The following ESR1 variants were observed in gnomAD, a reference collection of about 807,000 sequenced individuals.
ESR1 encodes the protein estrogen receptor.
In ESR1, 12 loss-of-function variants were observed where a neutral mutation model predicts 52.7. That is an observed-to-expected ratio of 0.23 (90% CI 0.15 to 0.37). The LOEUF (loss-of-function observed/expected upper bound fraction) is 0.37, where lower values mean the gene tolerates loss of function less well. ESR1 is among the 10% of genes least tolerant of loss of function. The pLI is 1.00. For missense variants in ESR1, 584 were observed against 779.7 expected (o/e 0.75, Z 2.99); for synonymous variants, 305 against 316.8 (o/e 0.96, Z 0.39).
chr6:151,855,006 C>G (rs1169293163), intron 2 of ESR1, among the ~76,000 whole-genome samples: 1 of 152,156 alleles, frequency 6.6e-6, no homozygotes, highest in Non-Finnish European at 1.5e-5. Context: ...CTCTGCCTCC[C>G]AGGTTCAAGC....
At chr6:151,978,138 A>C (rs2039637749) in intron 4 of ESR1, among the ~76,000 whole-genome samples, 1 of 152,120 alleles carries the variant, frequency 6.6e-6, no homozygotes, top group Admixed American at 6.5e-5. Flanking sequence ...CTTGAAATGC[A>C]CAAAGTCAAC....
chr6:151,740,285 ATTTT>A (rs386408967), intron 2 of ESR1, among the ~76,000 whole-genome samples: 1 of 108,008 alleles, frequency 9.3e-6, no homozygotes, highest in African/African-American at 3.6e-5. Flanking sequence ...TGCCTGGCTA[ATTTT>A]TTTTTTTTTT....
intron 3 of ESR1, among the ~76,000 whole-genome samples, chr6:151,899,551 CGGGGCGGCTGGCCGGGCG>C (rs1243129261): frequency 1.4e-3 from 210 of 147,912 alleles, no homozygotes; most frequent in Non-Finnish European, 2.6e-3. Flanking sequence ...CCCTCCCGGA[CGGGGCGGCTGGCCGGGCG>C]GGGAGCTGAC....
rs903345363 is a variant in ESR1, at chr6:151,700,807, C to A, written c.-201-1068C>A. Among the ~76,000 whole-genome samples the A allele has an allele frequency of 2.0e-5, 3 of 151,248 alleles. No individual in the cohort carries two copies. The East Asian group carries it at 5.8e-4, about 29-fold the overall frequency. On this transcript the variant is annotated intron_variant, in intron 1 of 2. Coordinates refer to the ESR1 transcript ENST00000404742. ...GTTAAGAATTCAACAAGTTTTTTTC[C>A]CCCACTCTATCATGTCTTGCACATT...
intron 1 of ESR1, among the ~76,000 whole-genome samples, chr6:151,831,261 A>G (rs1331549825): frequency 6.6e-6 from 1 of 150,742 alleles, no homozygotes; most frequent in East Asian, 1.9e-4. Context: ...TCCCACCTCA[A>G]CCTCCTGAGT....
intron 3 of ESR1, among the ~76,000 whole-genome samples, chr6:151,933,789 A>G (rs1484913547): frequency 1.1e-4 from 16 of 152,212 alleles, no homozygotes; most frequent in Admixed American, 1.0e-3. Flanking sequence ...TTCCACATCC[A>G]ATCCATCAGC....
intron 1 of ESR1, among the ~76,000 whole-genome samples, chr6:151,658,816 C>G (rs1340019320): frequency 6.6e-6 from 1 of 152,128 alleles, no homozygotes; most frequent in Non-Finnish European, 1.5e-5. Flanking sequence ...GATAAGGAAG[C>G]TGAGGCTTGG....
chr6:151,950,026 G>A (rs1340092613), intron 4 of ESR1, among the ~76,000 whole-genome samples: 1 of 152,198 alleles, frequency 6.6e-6, no homozygotes, highest in Admixed American at 6.5e-5. Context: ...CCATGTTCCT[G>A]TGATAGTGAG....
At chr6:151,781,035 A>G (rs1786495149) in intron 2 of ESR1, among the ~76,000 whole-genome samples, 1 of 152,228 alleles carries the variant, frequency 6.6e-6, no homozygotes, top group Non-Finnish European at 1.5e-5. Context: ...CTTTCAAACT[A>G]TACATTTCTT....
At chr6:151,688,762 C>G (rs1328565778), upstream of ESR1, among the ~76,000 whole-genome samples, 1 of 151,992 alleles carries the variant, frequency 6.6e-6, no homozygotes, top group South Asian at 2.1e-4. Flanking sequence ...TATAAGTAAT[C>G]TATGGATTAT....
chr6:151,808,172 C>T lies in ESR1; in HGVS notation c.260C>T (p.Ala87Val), dbSNP rs1267605861. The change falls in exon 1 of 8, where the codon GCG (alanine) becomes GTG (valine). Residue 87 changes from alanine to valine, a missense_variant. Physicochemically the swap from Ala to Val is moderately conservative, Grantham distance 64. Around this residue, in one of 6 missense-constraint regions of ESR1, gnomAD observed 251 missense variants for 246.1 expected, o/e 1.02. Coordinates refer to ENST00000206249, the MANE Select transcript of ESR1 (RefSeq NM_000125.4). ...GLPYGPGSEA[A>V]AFGSNGLGGF... The stretch of plus-strand genomic sequence containing the variant: ...CCCTACGGCCCCGGGTCTGAGGCTG[C>T]GGCGTTCGGCTCCAACGGCCTGGGG... The T allele has an allele frequency of 1.3e-6, 2 of 1,585,272 alleles. No individual in the cohort carries two copies. Among genetic ancestry groups the T allele is most frequent in the East Asian group, 2.3e-5 (1 of 43,338 alleles).
At chr6:151,973,914 T>C (rs756790350) in intron 4 of ESR1, among the ~76,000 whole-genome samples, 5 of 152,180 alleles carry the variant, frequency 3.3e-5, no homozygotes, top group Non-Finnish European at 7.3e-5. Context: ...TGTTTTTCAG[T>C]TTTCGTCATT....
chr6:152,004,637 T>C (rs1396871957), intron 4 of ESR1, among the ~76,000 whole-genome samples: 1 of 151,934 alleles, frequency 6.6e-6, no homozygotes, highest in Non-Finnish European at 1.5e-5. Context: ...AAACATCACC[T>C]TTGAATCTGT....
At position 151,794,481 on chromosome 6, in the gene ESR1, G is replaced by C. The variant is rs142359949; in HGVS notation, c.-70-13362G>C. ...AGATCTTAATGCCTGATAGTTGAAA[G>C]ATTACTTCCAAATTTTTTTTATTTT... On this transcript the variant is annotated intron_variant, in intron 2 of 2. Coordinates refer to the ESR1 transcript ENST00000404742. Among the ~76,000 whole-genome samples, 478 of 152,220 alleles carry C rather than the reference G, an allele frequency of 3.1e-3. 1 individual carries two copies. Among genetic ancestry groups the C allele is most frequent in the Middle Eastern group, 6.8e-3 (2 of 294 alleles).
intron 3 of ESR1, among the ~76,000 whole-genome samples, chr6:151,933,113 A>G (rs2033897487): frequency 6.6e-6 from 1 of 151,808 alleles, no homozygotes; most frequent in African/African-American, 2.4e-5. Context: ...GTTTGTTTGT[A>G]TCCTCTTTTA....
At chr6:151,674,796 T>A (rs927604788) in intron 1 of ESR1, among the ~76,000 whole-genome samples, 1 of 152,256 alleles carries the variant, frequency 6.6e-6, no homozygotes, top group Non-Finnish European at 1.5e-5. Flanking sequence ...TGAACCTAAG[T>A]TGCAGTTCCA....
intron 2 of ESR1, among the ~76,000 whole-genome samples, chr6:151,779,820 A>G (rs1246558145): frequency 1.6e-5 from 2 of 128,608 alleles, no homozygotes; most frequent in Non-Finnish European, 3.5e-5. Context: ...GTGGCGCGTG[A>G]ACCCGGGAGG....
At chr6:151,965,491 C>T (rs1484513355) in intron 4 of ESR1, among the ~76,000 whole-genome samples, 1 of 152,032 alleles carries the variant, frequency 6.6e-6, no homozygotes, top group Non-Finnish European at 1.5e-5. Context: ...TATAATACAT[C>T]CCTGAAGTTT....
chr6:151,786,675 CTT>C (rs11409681), intron 2 of ESR1, among the ~76,000 whole-genome samples: 26 of 145,960 alleles, frequency 1.8e-4, no homozygotes, highest in Admixed American at 6.8e-4. Context: ...ATTATTAAGA[CTT>C]TTTTTTTTTT....
Sources: gnomAD v4.1 joint callset for allele counts (sites outside exome capture counted in the v4.1 genomes callset) on GRCh38, gnomAD v4.1.1 for gene constraint, gnomAD v4.1.1 regional missense constraint, MANE v1.5 for transcripts, NCBI Gene and HGNC (gene_info 2026-07-23, HGNC 2026-07-21) for gene names.